Variants in IDI1 observed in about 807,000 individuals in gnomAD.
The protein encoded by IDI1 is isopentenyl-diphosphate Delta-isomerase 1.
A neutral mutation model predicts 32.9 loss-of-function variants in IDI1; 23 were observed. That is an observed-to-expected ratio of 0.70 (90% confidence interval 0.50 to 0.99). The LOEUF is 0.99. IDI1 is among the 50% of genes least tolerant of loss of function. The probability of loss-of-function intolerance (pLI) is 0.00; values close to 1 mark genes in which losing one functional copy is unlikely to be tolerated. For missense variants in IDI1, 326 were observed against 351.9 expected (o/e 0.93, Z 0.59); for synonymous variants, 133 against 128.2 (o/e 1.04, Z -0.25).
upstream of IDI1, among the ~76,000 whole-genome samples, chr10:1,053,732 A>AT (rs762245072): frequency 4.3e-3 from 616 of 143,708 alleles, 2 homozygotes; most frequent in Middle Eastern, 0.022. Flanking sequence ...TAATTGCCTG[A>AT]TTTTTTTTTT....
intron 3 of IDI1, 112 bp from the exon 4 acceptor site, chr10:1,042,874 A>T (rs1379624845): frequency 1.2e-6 from 1 of 861,772 alleles, no homozygotes; most frequent in Non-Finnish European, 1.9e-6. Context: ...AGGATTTTAA[A>T]ATCAGTTATA....
chr10:1,056,026 CTCGACCTCCTAATCTCGTGAT>C, the IDI1 span, among the ~76,000 whole-genome samples: 26 of 152,152 alleles, frequency 1.7e-4, no homozygotes, highest in Non-Finnish European at 3.5e-4. Context: ...CCAGGCTGGT[CTCGACCTCCTAATCTCGTGAT>C]ACGTCGGCCT....
At chr10:1,049,704 G>C (rs914448733), upstream of IDI1, 1 of 151,912 alleles carries the variant, frequency 6.6e-6, no homozygotes, top group Admixed American at 6.6e-5. Flanking sequence ...GCCCAGGCTT[G>C]AGTGCAATGG....
At chr10:1,048,729 AC>A in intron 1 of IDI1, 134 bp downstream of exon 1, 2 of 1,435,584 alleles carry the variant, frequency 1.4e-6, no homozygotes, top group South Asian at 1.4e-5. Flanking sequence ...CAACGCCGCC[AC>A]CCCCAGCTGT....
Position 1,041,396 on chromosome 10 carries a change from C to A in IDI1, c.646G>T (p.Val216Leu), listed in dbSNP as rs1253109007. ...IDYILLVRKNVTLNPDPNEIK... is the reference protein window; with the variant it reads ...IDYILLVRKNLTLNPDPNEIK... ...TCATTGGGATCTGGATTCAAAGTTA[C>A]ATTCTTCCTCACCAACAAAATGTAA... Residue 216 changes from valine to leucine, a missense_variant, in exon 5 of 5, where the codon GTA becomes TTA. Physicochemically the swap from Val to Leu is conservative, Grantham distance 32 (BLOSUM62 1). Coordinates refer to ENST00000381344, the MANE Select transcript of IDI1 (RefSeq NM_004508.4). 1 of 1,612,038 alleles carries A rather than the reference C, an allele frequency of 6.2e-7. No individual in the cohort carries two copies. The highest frequency in any genetic ancestry group is 1.7e-5 in the Admixed American group (1 of 60,006).
chr10:1,048,275 C>T (rs1832860443), intron 1 of IDI1: 1 of 1,304,320 alleles, frequency 7.7e-7, no homozygotes. Context: ...ATGTAGTAGA[C>T]GCGGGAACAC....
At chr10:1,048,821 G>A (rs1832884710) in intron 1 of IDI1, 43 bp downstream of exon 1, 1 of 1,591,312 alleles carries the variant, frequency 6.3e-7, no homozygotes, top group East Asian at 2.3e-5. Context: ...CCCCGATGCC[G>A]CCCTGCCCCT....
chr10:1,042,056 C>T (rs1442928685), intron 4 of IDI1, among the ~76,000 whole-genome samples: 1 of 152,180 alleles, frequency 6.6e-6, no homozygotes, highest in African/African-American at 2.4e-5. Context: ...ATCCACCTGC[C>T]TCAGCCTCCC....
At chr10:1,052,209 C>T (rs1432247647), upstream of IDI1, among the ~76,000 whole-genome samples, 2 of 152,202 alleles carry the variant, frequency 1.3e-5, no homozygotes, top group African/African-American at 4.8e-5. Flanking sequence ...CTCTCAAACC[C>T]TGCTGCTACT....
At chr10:1,043,428 T>A in intron 2 of IDI1, 35 bp from the exon 3 acceptor site, 1 of 1,322,164 alleles carries the variant, frequency 7.6e-7, no homozygotes. Flanking sequence ...ATTTTAGCCT[T>A]AAGTACCAGT....
At chr10:1,048,585 G>A in intron 1 of IDI1, 3 of 1,366,526 alleles carry the variant, frequency 2.2e-6, no homozygotes, top group Non-Finnish European at 2.8e-6. Context: ...AGGTGACTGT[G>A]CGCAGACGAC....
chr10:1,048,853 G>A lies in IDI1; in HGVS notation c.140+11C>T, dbSNP rs1383138397. The A allele has an allele frequency of 4.4e-6, 7 of 1,603,752 alleles. No individual in the cohort carries two copies. In the Admixed American group the frequency reaches 8.4e-5, roughly 19 times the overall value. Reference sequence around the variant, plus strand: ...CCCTGTCTCCCGAACTCCGCCGCCCGTCCACAGTACCTGATCAGCCTCCGG... The same window carrying A: ...CCCTGTCTCCCGAACTCCGCCGCCCATCCACAGTACCTGATCAGCCTCCGG... On this transcript the variant is annotated intron_variant, in intron 1 of 4. Coordinates refer to ENST00000381344, the MANE Select transcript of IDI1 (RefSeq NM_004508.4).
chr10:1,055,435 G>C, the IDI1 span, among the ~76,000 whole-genome samples: 1 of 152,108 alleles, frequency 6.6e-6, no homozygotes. Flanking sequence ...TTACCTGACT[G>C]TGGTGCGGTC....
At position 1,043,361 on chromosome 10, in the gene IDI1, A is replaced by G. The variant is rs1164839896; in HGVS notation, c.346T>C (p.Phe116Leu). The part of the protein sequence containing the change: ...LLHRAFSVFL[F>L]NTENKLLLQQ... ...AGCAGAAGCTTATTTTCGGTGTTGA[A>G]TAAGAAGACACTAAAAGCTCGATGC... Residue 116 changes from phenylalanine to leucine, a missense_variant, in exon 3 of 5, where the codon TTC becomes CTC. Physicochemically the swap from Phe to Leu is conservative, Grantham distance 22. This residue lies in a region of IDI1 where 205 missense variants were observed against 273.5 expected (regional missense o/e 0.75). Transcript: ENST00000381344. The G allele has an allele frequency of 1.9e-6, 3 of 1,610,444 alleles. No individual in the cohort carries two copies. In the African/African-American group the frequency reaches 4.0e-5, roughly 22 times the overall value.
intron 1 of IDI1, among the ~76,000 whole-genome samples, chr10:1,045,085 TAAC>T (rs1183505661): frequency 2.0e-5 from 3 of 152,282 alleles, no homozygotes; most frequent in African/African-American, 7.2e-5. Flanking sequence ...TCACAGGACG[TAAC>T]AACAGGCAGC....
At position 1,048,992 on chromosome 10, in the gene IDI1, TC is replaced by T. The variant is rs1564489100; in HGVS notation, c.11del (p.Gly4AspfsTer42). 8 of 1,512,224 alleles carry T rather than the reference TC, an allele frequency of 5.3e-6. No homozygotes were observed. The highest frequency in any genetic ancestry group is 2.5e-5 in the South Asian group (2 of 80,348). 93.7% of individuals were successfully genotyped at this position (1,512,224 alleles called of 1,614,324 possible). On this transcript the variant is annotated frameshift_variant, in exon 1 of 5. Transcript: ENST00000381344. LOFTEE classifies it high-confidence loss of function. ...AGCCAATCGCTCGCGCCAGCGCCAG[TC>T]CACGCCACATCGCCCGGCCAATTGG... MWR[G>X]LALARAIGCA...
At chr10:1,051,819 T>C (rs1484344517), upstream of IDI1, among the ~76,000 whole-genome samples, 1 of 152,228 alleles carries the variant, frequency 6.6e-6, no homozygotes, top group African/African-American at 2.4e-5. Context: ...AAGACAATAA[T>C]GAAATTTGTC....
rs4880760 is a variant in IDI1 at position 1,048,969 on chromosome 10, C to G, written c.35G>C (p.Gly12Ala). The change falls in exon 1 of 5, where the codon GGC (glycine) becomes GCC (alanine). Residue 12 changes from glycine to alanine, a missense_variant. Physicochemically the swap from Gly to Ala is moderately conservative, Grantham distance 60 (BLOSUM62 0). Transcript: ENST00000381344. The part of the protein sequence containing the change: ...WRGLALARAI[G>A]CAARGRGQWA... ...CTGGCCCCGCCCCCGGGCCGCGCAGCCAATCGCTCGCGCCAGCGCCAGTCC... is the reference window on the plus strand; with the variant it reads ...CTGGCCCCGCCCCCGGGCCGCGCAGGCAATCGCTCGCGCCAGCGCCAGTCC... 0.028 allele frequency: 42,963 copies of G among 1,546,400 alleles called. 779 individuals carry two copies. The highest frequency in any genetic ancestry group is 0.045 in the Middle Eastern group (255 of 5,624).
chr10:1,042,823 GA>G, intron 3 of IDI1, 61 bp from the exon 4 acceptor site: 1 of 1,471,844 alleles, frequency 6.8e-7, no homozygotes, highest in Non-Finnish European at 9.4e-7. Flanking sequence ...GAAAGATCAA[GA>G]AAAAGTTTTA....
Sources: gnomAD v4.1 joint callset for allele counts (sites outside exome capture counted in the v4.1 genomes callset) on GRCh38, gnomAD v4.1.1 for gene constraint, gnomAD v4.1.1 regional missense constraint, MANE v1.5 for transcripts, NCBI Gene and HGNC (gene_info 2026-07-23, HGNC 2026-07-21) for gene names.